Variants in IL12RB1 observed in about 807,000 individuals in gnomAD.
IL12RB1 encodes the protein interleukin 12 receptor subunit beta 1.
A neutral mutation model predicts 94.4 loss-of-function variants in IL12RB1; 64 were observed. The observed-to-expected ratio is 0.68, with a 90% CI of 0.55 to 0.83. IL12RB1 has a LOEUF of 0.83. IL12RB1 is among the 40% of genes least tolerant of loss of function. IL12RB1 has a pLI of 0.00. For synonymous variants in IL12RB1, 362 were observed against 355.5 expected (o/e 1.02, Z -0.21); for missense variants, 814 against 855.6 (o/e 0.95, Z 0.61).
At chr19:18,084,472 G>GTCCA (rs149148752) in intron 1 of IL12RB1, among the ~76,000 whole-genome samples, 28,190 of 135,478 alleles carry the variant, frequency 0.21, 2,658 homozygotes, top group African/African-American at 0.23. Context: ...GTATTCATTA[G>GTCCA]TCCATCCATC....
chr19:18,093,331 A>AATATATATATATATATATATATAT (rs574892319), intron 1 of IL12RB1, among the ~76,000 whole-genome samples: 1 of 121,346 alleles, frequency 8.2e-6, no homozygotes, highest in Non-Finnish European at 1.8e-5. Flanking sequence ...AAAAAACACA[A>AATATATATATATATATATATATAT]ATATATATAT....
At chr19:18,059,721 A>C (rs1599430158) in intron 16 of IL12RB1, 108 bp from the exon 17 acceptor site, 21 of 754,462 alleles carry the variant, frequency 2.8e-5, no homozygotes. Flanking sequence ...GTGCTTAATA[A>C]CCAGCCGTTG....
chr19:18,069,607 C>T lies in IL12RB1; in HGVS notation c.1128G>A (p.Gln376=), dbSNP rs183211050. The T allele has an allele frequency of 2.8e-4, 450 of 1,613,136 alleles. No homozygotes were observed. The highest frequency in any genetic ancestry group is 3.2e-4 in the Non-Finnish European group (379 of 1,179,890). ...GGCTGCAGGTGGCAAGGCCCCCGTC[C>T]TGGCCCACAGGCTGCCATTCAATGC... ...TYCIEWQPVG[Q]DGGLATCSLT... is the part of the protein sequence containing the mutation. Residue 376 remains glutamine (Q), a synonymous_variant, in exon 10 of 17, where the codon CAG becomes CAA. Coordinates refer to ENST00000593993, the MANE Select transcript of IL12RB1 (RefSeq NM_005535.3).
At chr19:18,072,953 AAAAAAAAAAAAAGG>A (rs1452791258) in intron 8 of IL12RB1, among the ~76,000 whole-genome samples, 1 of 146,422 alleles carries the variant, frequency 6.8e-6, no homozygotes, top group African/African-American at 2.4e-5. Flanking sequence ...TCTCAAAAAA[AAAAAAAAAAAAAGG>A]AAAAAAAAGA....
chr19:18,069,901 A>C lies in IL12RB1; in HGVS notation c.1022-188T>G, dbSNP rs552068131. ...TGGGGCCAGGCACAAAGTGGGTAGC[A>C]GATGGCGTTTGTTTTTTTTTGTTTT... On this transcript the variant is annotated intron_variant, in intron 9 of 16. Coordinates refer to ENST00000593993, the MANE Select transcript of IL12RB1 (RefSeq NM_005535.3). Among the ~76,000 whole-genome samples, 192 of 151,920 alleles carry C rather than the reference A, an allele frequency of 1.3e-3. 1 individual carries two copies. Among genetic ancestry groups the C allele is most frequent in the African/African-American group, 4.4e-3 (183 of 41,442 alleles).
rs552852621 is a variant in IL12RB1, at chr19:18,069,517, G to C, written c.1189+29C>G. On this transcript the variant is annotated intron_variant, in intron 10 of 16. Transcript: ENST00000593993. ...CCTAAAAGGGAGGGCACAGAGGAGGGGTAGGCGCAGGCCATTCCAGGCCAT... is the reference window on the plus strand; with the variant it reads ...CCTAAAAGGGAGGGCACAGAGGAGGCGTAGGCGCAGGCCATTCCAGGCCAT... The C allele has an allele frequency of 4.1e-5, 64 of 1,578,104 alleles. No individual in the cohort carries two copies. The Middle Eastern group carries it at 6.0e-4, about 15-fold the overall frequency.
At position 18,061,103 on chromosome 19, in the gene IL12RB1, T is replaced by A. The variant is rs2034087977; in HGVS notation, c.1791+19A>T. The A allele has an allele frequency of 7.3e-7, 1 of 1,376,488 alleles. No individual in the cohort carries two copies. The highest frequency in any genetic ancestry group is 1.0e-6 in the Non-Finnish European group (1 of 970,996). The allele number at this position is 1,376,488 out of a possible 1,614,324, so 85.3% of individuals were successfully genotyped here. ...GTGCACCCAATAAAAAGACTTGGAA[T>A]TAGAAAAGGCATCCTTACCTCCTTC... On this transcript the variant is annotated intron_variant, in intron 15 of 16. Coordinates refer to ENST00000593993, the MANE Select transcript of IL12RB1 (RefSeq NM_005535.3).
chr19:18,083,540 G>C (rs770702572), intron 1 of IL12RB1, 49 bp from the exon 2 acceptor site: 2 of 1,583,380 alleles, frequency 1.3e-6, no homozygotes, highest in Admixed American at 3.3e-5. Flanking sequence ...TGCACTGTGT[G>C]GGGAGAAGGG....
chr19:18,060,402 C>G (rs2034036556), intron 15 of IL12RB1, among the ~76,000 whole-genome samples: 1 of 152,060 alleles, frequency 6.6e-6, no homozygotes, highest in Admixed American at 6.6e-5. Flanking sequence ...TCGTTTGAAC[C>G]CGGGAATCAG....
chr19:18,068,036 T>TTC (rs2034720756), intron 11 of IL12RB1, among the ~76,000 whole-genome samples: 1 of 138,386 alleles, frequency 7.2e-6, no homozygotes, highest in Non-Finnish European at 1.6e-5. Context: ...TTTTTTTTTT[T>TTC]TTTTTTTGAG....
chr19:18,069,882 C>G (rs942982874), intron 9 of IL12RB1, among the ~76,000 whole-genome samples, 169 bp from the exon 10 acceptor site: 3 of 152,054 alleles, frequency 2.0e-5, no homozygotes, highest in Non-Finnish European at 4.4e-5. Context: ...GCCTTGGGGC[C>G]AGGCACAAAG....
chr19:18,088,164 G>A (rs562956386), upstream of IL12RB1, among the ~76,000 whole-genome samples: 26 of 152,114 alleles, frequency 1.7e-4, no homozygotes, highest in African/African-American at 6.0e-4. Context: ...AAGGCAGGTG[G>A]ATCACGAGGT....
intron 1 of IL12RB1, among the ~76,000 whole-genome samples, chr19:18,096,963 A>G (rs986102550): frequency 1.3e-5 from 2 of 152,132 alleles, no homozygotes; most frequent in Non-Finnish European, 2.9e-5. Flanking sequence ...TGGGCAACAT[A>G]GTGAGATCCC....
chr19:18,073,764 G>A (rs1057187917), intron 7 of IL12RB1, among the ~76,000 whole-genome samples, 165 bp from the exon 8 acceptor site: 6 of 152,214 alleles, frequency 3.9e-5, no homozygotes, highest in Non-Finnish European at 8.8e-5. Context: ...AACACAATTT[G>A]CATCCCCAGG....
At position 18,064,476 on chromosome 19, in the gene IL12RB1, A is replaced by AT. The variant is rs11304356; in HGVS notation, c.1484-467dup. The stretch of plus-strand genomic sequence containing the variant: ...TCTTAATGCGCCCATTCATCTCAAG[A>AT]TTTTTTTTTTTTTTGAGATGGAGTC... On this transcript the variant is annotated intron_variant, in intron 12 of 16. Coordinates refer to ENST00000593993, the MANE Select transcript of IL12RB1 (RefSeq NM_005535.3). 2.5e-3 allele frequency among the ~76,000 whole-genome samples: 317 copies of AT among 128,326 alleles called. 1 individual carries two copies. Among genetic ancestry groups the AT allele is most frequent in the African/African-American group, 4.6e-3 (147 of 32,084 alleles). The allele number at this position is 128,326 out of a possible 152,430, so 84.2% of individuals were successfully genotyped here.
chr19:18,098,903 T>C, exon 1 of IL12RB1: 1 of 410,412 alleles, frequency 2.4e-6, no homozygotes, highest in South Asian at 1.7e-5. Flanking sequence ...GAGTGATCAG[T>C]TGTGATAAGG....
At chr19:18,079,870 C>T (rs2035763618) in intron 4 of IL12RB1, among the ~76,000 whole-genome samples, 1 of 151,924 alleles carries the variant, frequency 6.6e-6, no homozygotes, top group South Asian at 2.1e-4. Flanking sequence ...GCACTCCAGC[C>T]TGGGCGACAG....
chr19:18,088,323 T>C (rs549229306), upstream of IL12RB1, among the ~76,000 whole-genome samples: 51 of 147,828 alleles, frequency 3.4e-4, no homozygotes, highest in Admixed American at 3.0e-3. Context: ...GAGGTGGAGG[T>C]TGCAGTGAGC....
intron 7 of IL12RB1, among the ~76,000 whole-genome samples, chr19:18,074,968 C>T (rs17882259): frequency 3.3e-5 from 5 of 151,604 alleles, no homozygotes; most frequent in South Asian, 2.1e-4. Context: ...AGGACAATGG[C>T]GTGAACCCGG....
Sources: gnomAD v4.1 joint callset for allele counts (sites outside exome capture counted in the v4.1 genomes callset) on GRCh38, gnomAD v4.1.1 for gene constraint, MANE v1.5 for transcripts, NCBI Gene and HGNC (gene_info 2026-07-23, HGNC 2026-07-21) for gene names.